Variants in SNED1 observed in about 807,000 individuals in gnomAD.
SNED1 encodes sushi, nidogen and EGF like domains 1.
A neutral mutation model predicts 166.7 loss-of-function variants in SNED1; 81 were observed. The ratio of observed to expected loss-of-function variants is 0.49; its 90% confidence interval spans 0.41 to 0.58. The LOEUF is 0.58. SNED1 is among the 20% of genes least tolerant of loss of function. The pLI, the probability that SNED1 is intolerant of heterozygous loss-of-function variation, is 0.00. For missense variants in SNED1, 1,604 were observed against 2,000.2 expected, an observed-to-expected ratio of 0.80 and a Z score of 3.78; for synonymous variants, 762 against 822.0, an observed-to-expected ratio of 0.93 and a Z score of 1.25.
chr2:240,998,407 T>C (rs2059975053), upstream of SNED1, among the ~76,000 whole-genome samples: 1 of 152,118 alleles, frequency 6.6e-6, no homozygotes, highest in African/African-American at 2.4e-5. Context: ...TCCACCAGGG[T>C]AGGGACCCAG....
chr2:240,998,975 G>A lies in SNED1; in HGVS notation c.138G>A (p.Gln46=). The A allele has an allele frequency of 7.5e-7, 1 of 1,326,420 alleles. No homozygotes were observed. The allele number at this position is 1,326,420 out of a possible 1,614,324, so 82.2% of individuals were successfully genotyped here. ...GCGGCGACGCCGTCACCCCCAAGCA[G>A]GACGACGGCGGCTCGGGGCTGCGGC... ...AERGDAVTPK[Q]DDGGSGLRPL... The change falls in exon 1 of 32, where the codon CAG becomes CAA. Residue 46 remains glutamine (Q), a synonymous_variant. Transcript: ENST00000310397.
At chr2:241,005,661 A>T (rs2060202820) in intron 1 of SNED1, among the ~76,000 whole-genome samples, 1 of 152,094 alleles carries the variant, frequency 6.6e-6, no homozygotes, top group Non-Finnish European at 1.5e-5. Flanking sequence ...GGGTGGGTGT[A>T]GAATTCCAAA....
At chr2:241,071,926 TCACTGC>T (rs1371413426) in intron 26 of SNED1, 48 bp downstream of exon 26, 1 of 1,409,864 alleles carries the variant, frequency 7.1e-7, no homozygotes, top group Admixed American at 2.0e-5. Flanking sequence ...ACCCTCGTCC[TCACTGC>T]CACTCTCACC....
At chr2:241,006,409 A>T (rs2060222877) in intron 1 of SNED1, among the ~76,000 whole-genome samples, 1 of 152,260 alleles carries the variant, frequency 6.6e-6, no homozygotes, top group African/African-American at 2.4e-5. Flanking sequence ...AAGTGAAAAG[A>T]ATGGTGAACA....
chr2:241,017,227 G>T (rs1197993991), intron 1 of SNED1, among the ~76,000 whole-genome samples: 3 of 152,190 alleles, frequency 2.0e-5, no homozygotes, highest in African/African-American at 7.2e-5. Context: ...CTAACAAGTT[G>T]CCCTGTTACT....
Position 241,067,953 on chromosome 2 carries a change from A to T in SNED1, c.3194+6A>T. On this transcript the variant is annotated splice_donor_region_variant and intron_variant, in intron 22 of 31. Transcript: ENST00000310397. The stretch of plus-strand genomic sequence containing the variant: ...GTGGACAGGTTCACCTTTAGGTAAG[A>T]AGGGACACCCAGAGCATGGGGCTGG... 6.2e-7 allele frequency: 1 copy of T among 1,603,830 alleles called. No homozygotes were observed. Among genetic ancestry groups the T allele is most frequent in the Non-Finnish European group, 8.5e-7 (1 of 1,172,230 alleles).
In SNED1 at chr2:241,095,060, G is replaced by GCCCC. The variant is rs10573691; in HGVS notation, c.*3436_*3439dup. The GCCCC allele has an allele frequency of 2.9e-4, 26 of 90,382 alleles. 1 individual carries two copies. Among genetic ancestry groups the GCCCC allele is most frequent in the South Asian group, 4.9e-4 (1 of 2,056 alleles). The allele number at this position is 90,382 out of a possible 1,614,324, so 5.6% of individuals were successfully genotyped here. On this transcript the variant is annotated 3_prime_UTR_variant, in exon 32 of 32. Coordinates refer to ENST00000310397, the MANE Select transcript of SNED1 (RefSeq NM_001080437.3). ...CTCATTGAGTTCCCTAAGGTGACAC[G>GCCCC]CCCCCCCCCCCCCCCACACCCACCT...
At chr2:241,089,218 A>C in intron 31 of SNED1, 1 of 1,368,992 alleles carries the variant, frequency 7.3e-7, no homozygotes, top group Non-Finnish European at 9.8e-7. Flanking sequence ...TCACTGCATG[A>C]AAGATGAATC....
chr2:241,068,224 C>A lies in SNED1; in HGVS notation c.3194+277C>A, dbSNP rs2062545484. 6.6e-6 allele frequency among the ~76,000 whole-genome samples: 1 copy of A among 152,184 alleles called. No homozygotes were observed. The highest frequency in any genetic ancestry group is 2.4e-5 in the African/African-American group (1 of 41,452). On this transcript the variant is annotated intron_variant, in intron 22 of 31. Coordinates refer to ENST00000310397, the MANE Select transcript of SNED1 (RefSeq NM_001080437.3). This position sits in a 1 kb window ranked among gnomAD's most constrained non-coding sequence, Gnocchi z 5.3. Reference sequence around the variant, plus strand: ...AAAGCTCAGAAAATCCGGGGGCACACTTTCCACACAGATCATGAGAGTGAC... The same window carrying A: ...AAAGCTCAGAAAATCCGGGGGCACAATTTCCACACAGATCATGAGAGTGAC...
chr2:241,021,954 A>G (rs2060787071), intron 1 of SNED1, among the ~76,000 whole-genome samples: 2 of 132,662 alleles, frequency 1.5e-5, no homozygotes, highest in African/African-American at 5.6e-5. Context: ...CATTACAGCC[A>G]TCCTGCCAGG....
chr2:241,062,779 C>G lies in SNED1; in HGVS notation c.2258-12C>G, dbSNP rs1171480326. On this transcript the variant is annotated splice_polypyrimidine_tract_variant and intron_variant, in intron 16 of 31. Transcript: ENST00000310397. ...GGCCACATTGCTTTATTCTTGGGCT[C>G]TCTCCTCTCAGAAATCGATGAGTGC... 7 of 1,590,522 alleles carry G rather than the reference C, an allele frequency of 4.4e-6. No homozygotes were observed. The South Asian group carries it at 4.5e-5, about 10-fold the overall frequency.
Position 241,094,573 on chromosome 2 carries a change from T to C in SNED1, c.*2937T>C, listed in dbSNP as rs1229159228. The C allele has an allele frequency of 2.8e-6, 1 of 361,846 alleles. No homozygotes were observed. Among genetic ancestry groups the C allele is most frequent in the African/African-American group, 2.1e-5 (1 of 46,674 alleles). 22.4% of individuals were successfully genotyped at this position (361,846 alleles called of 1,614,324 possible). A position where few individuals can be genotyped will look rare whatever the true frequency, so the allele number is the denominator to read the frequency against. ...CTCCTTATTTTTCTTTTAAATAAAA[T>C]AATACGATCCTAAGTCCATTTACCA... is the stretch of plus-strand genomic sequence containing the variant. On this transcript the variant is annotated 3_prime_UTR_variant, in exon 32 of 32. Coordinates refer to ENST00000310397, the MANE Select transcript of SNED1 (RefSeq NM_001080437.3). The surrounding 1 kb of genome is among the most constrained non-coding windows in gnomAD (Gnocchi z 4.3).
In SNED1 at chr2:241,069,641, G is replaced by T. The variant is rs566301633; in HGVS notation, c.3308-279G>T. Among the ~76,000 whole-genome samples the T allele has an allele frequency of 2.0e-5, 3 of 152,166 alleles. No individual in the cohort carries two copies. Among genetic ancestry groups the T allele is most frequent in the Non-Finnish European group, 2.9e-5 (2 of 68,026 alleles). Reference sequence around the variant, plus strand: ...CAGGCTCAGGGGAACCGACTGTGCCGCAGGGAGGGCGCCAGCTGACGGGCC... The same window carrying T: ...CAGGCTCAGGGGAACCGACTGTGCCTCAGGGAGGGCGCCAGCTGACGGGCC... On this transcript the variant is annotated intron_variant, in intron 23 of 31. Transcript: ENST00000310397. The surrounding 1 kb of genome is among the most constrained non-coding windows in gnomAD (Gnocchi z 4.9).
In SNED1 at chr2:241,089,335, C is replaced by T. The variant is rs142850877; in HGVS notation, c.*1+933C>T. The T allele has an allele frequency of 1.9e-4, 289 of 1,550,656 alleles. No homozygotes were observed. In the African/African-American group the frequency reaches 3.6e-3, roughly 19 times the overall value. ...TGAGGCACCCTTGGGTAACAAGCCA[C>T]TTCAAAACAGGTCTATGTTTTGTTA... On this transcript the variant is annotated intron_variant, in intron 31 of 31. Coordinates refer to ENST00000310397, the MANE Select transcript of SNED1 (RefSeq NM_001080437.3).
At chr2:241,083,973 C>A (rs1014959143) in intron 29 of SNED1, among the ~76,000 whole-genome samples, 1 of 148,532 alleles carries the variant, frequency 6.7e-6, no homozygotes, top group African/African-American at 2.6e-5. Context: ...TTTTGGATTA[C>A]TTTTTAGGAT....
chr2:241,079,390 C>T (rs571991753), intron 27 of SNED1, among the ~76,000 whole-genome samples: 31 of 140,158 alleles, frequency 2.2e-4, no homozygotes, highest in Admixed American at 1.7e-3. Flanking sequence ...CCAGCCTGGG[C>T]GACAGAGTGA....
chr2:241,076,019 G>A (rs2063004041), intron 27 of SNED1, among the ~76,000 whole-genome samples: 1 of 152,140 alleles, frequency 6.6e-6, no homozygotes, highest in African/African-American at 2.4e-5. Context: ...ATACATCTGT[G>A]CCAATACTGC....
chr2:241,054,380 C>T (rs774735356), intron 16 of SNED1, among the ~76,000 whole-genome samples: 38 of 152,164 alleles, frequency 2.5e-4, no homozygotes, highest in Admixed American at 3.9e-4. Flanking sequence ...CCAGCAAGGG[C>T]AACATAGGGA....
In SNED1 at chr2:241,073,938, T is replaced by C. The variant is rs74514474; in HGVS notation, c.3916+574T>C. The C allele has an allele frequency of 6.0e-3, 953 of 157,798 alleles. 3 individuals carry two copies. The highest frequency in any genetic ancestry group is 9.5e-3 in the Non-Finnish European group (682 of 71,760). 9.8% of individuals were successfully genotyped at this position (157,798 alleles called of 1,614,324 possible). A position where few individuals can be genotyped will look rare whatever the true frequency, so the allele number is the denominator to read the frequency against. ...ACCTGCAGTAAGAGTTCCCAGACGC[T>C]CACGAGGCAGTTCCCCTTCGGGCAG... On this transcript the variant is annotated intron_variant, in intron 27 of 31. Coordinates refer to ENST00000310397, the MANE Select transcript of SNED1 (RefSeq NM_001080437.3). This position sits in a 1 kb window ranked among gnomAD's most constrained non-coding sequence, Gnocchi z 6.6.
Sources: allele counts gnomAD v4.1 joint callset (sites outside exome capture counted in the v4.1 genomes callset), GRCh38; gene constraint gnomAD v4.1.1; non-coding constraint Gnocchi (gnomAD v3.1); transcripts MANE v1.5; gene names NCBI Gene and HGNC (gene_info 2026-07-23, HGNC 2026-07-21).